Variants in DYDC2 observed in about 807,000 individuals in gnomAD.
DYDC2 encodes the protein DPY30 domain-containing protein 2.
DYDC2 carries 19 observed loss-of-function variants against 18.7 expected under a neutral mutation model. The ratio of observed to expected loss-of-function variants is 1.02; its 90% CI spans 0.71 to 1.49. The LOEUF is 1.49. DYDC2 is among the 40% of genes most tolerant of loss of function. The pLI is 0.00. For synonymous variants in DYDC2, 63 were observed against 67.6 expected (o/e 0.93, Z 0.34); for missense variants, 179 against 205.1 (o/e 0.87, Z 0.78).
At chr10:80,353,045 G>A (rs952062202), upstream of DYDC2, among the ~76,000 whole-genome samples, 1 of 151,782 alleles carries the variant, frequency 6.6e-6, no homozygotes, top group Admixed American at 6.6e-5. Context: ...GACAGGGTTT[G>A]TACCCACCTC....
At chr10:80,361,462 A>G (rs1248640279) in intron 2 of DYDC2, among the ~76,000 whole-genome samples, 5 of 152,210 alleles carry the variant, frequency 3.3e-5, no homozygotes, top group Non-Finnish European at 5.9e-5. Context: ...CTTTGAGACT[A>G]TGCATATATC....
At position 80,363,068 on chromosome 10, in the gene DYDC2, C is replaced by A; in HGVS notation, c.265C>A (p.His89Asn). ...GATTCAACAGAACTGTGAAAAGTGT[C>A]ACAAGGTAGGGAGAAGGACTCAGCT... ...YQIQQNCEKC[H>N]KELTSETVST... Residue 89 changes from histidine (H) to asparagine (N), a missense_variant, in exon 4 of 5, where the codon CAC becomes AAC. Transcript: ENST00000256039. The A allele has an allele frequency of 6.2e-7, 1 of 1,611,864 alleles. No homozygotes were observed. Among genetic ancestry groups the A allele is most frequent in the South Asian group, 1.1e-5 (1 of 90,388 alleles).
upstream of DYDC2, among the ~76,000 whole-genome samples, chr10:80,353,913 G>A (rs1362955268): frequency 6.6e-6 from 1 of 151,992 alleles, no homozygotes; most frequent in Non-Finnish European, 1.5e-5. Context: ...TGACTTCCTT[G>A]GAGCCCTTTT....
intron 2 of DYDC2, among the ~76,000 whole-genome samples, chr10:80,358,583 A>AC (rs1299436776): frequency 6.6e-6 from 1 of 152,300 alleles, no homozygotes; most frequent in African/African-American, 2.4e-5. Context: ...TGTGGCAGCC[A>AC]CCCCCTGACT....
At chr10:80,362,325 G>A in intron 2 of DYDC2, 110 bp from the exon 3 acceptor site, 1 of 1,422,156 alleles carries the variant, frequency 7.0e-7, no homozygotes, top group South Asian at 1.4e-5. Flanking sequence ...GTGTGATCCA[G>A]AAGCATCTCA....
chr10:80,358,410 CCTT>C (rs1843520968), intron 2 of DYDC2, among the ~76,000 whole-genome samples: 1 of 152,166 alleles, frequency 6.6e-6, no homozygotes, highest in African/African-American at 2.4e-5. Context: ...CCCCTTGACT[CCTT>C]CCCCTCCAGC....
intron 2 of DYDC2, among the ~76,000 whole-genome samples, chr10:80,361,628 G>C (rs1843665447): frequency 6.6e-6 from 1 of 152,102 alleles, no homozygotes; most frequent in Non-Finnish European, 1.5e-5. Flanking sequence ...CTTTAACAAA[G>C]AACTTTGCCT....
chr10:80,359,529 C>G (rs1043290986), intron 2 of DYDC2, among the ~76,000 whole-genome samples: 1 of 152,134 alleles, frequency 6.6e-6, no homozygotes, highest in African/African-American at 2.4e-5. Context: ...TCGATGGGAC[C>G]GGGCACCGCG....
At chr10:80,346,392 T>C (rs72815337) in intron 1 of DYDC2, among the ~76,000 whole-genome samples, 12,677 of 151,024 alleles carry the variant, frequency 0.084, 629 homozygotes, top group Middle Eastern at 0.12. Context: ...ATCAACAGTG[T>C]AGAAGAGTTC....
At chr10:80,360,258 G>A (rs1843624730) in intron 2 of DYDC2, among the ~76,000 whole-genome samples, 1 of 152,058 alleles carries the variant, frequency 6.6e-6, no homozygotes, top group Non-Finnish European at 1.5e-5. Flanking sequence ...GAATCTTATA[G>A]AGCTAAAACC....
At chr10:80,346,884 G>A (rs1169108055) in intron 1 of DYDC2, among the ~76,000 whole-genome samples, 3 of 151,324 alleles carry the variant, frequency 2.0e-5, no homozygotes, top group Non-Finnish European at 2.9e-5. Flanking sequence ...AGACCAGCCT[G>A]GCCAACATGG....
At chr10:80,346,022 AT>A (rs964264821) in intron 1 of DYDC2, among the ~76,000 whole-genome samples, 2 of 151,824 alleles carry the variant, frequency 1.3e-5, no homozygotes, top group Non-Finnish European at 2.9e-5. Context: ...TAATTTATAC[AT>A]TTTTTCTAGA....
chr10:80,345,384 C>A (rs1386591844), intron 1 of DYDC2, among the ~76,000 whole-genome samples: 1 of 152,116 alleles, frequency 6.6e-6, no homozygotes, highest in African/African-American at 2.4e-5. Flanking sequence ...CACAGGTAAG[C>A]AATTTCAATA....
chr10:80,361,377 T>C (rs1470100345), intron 2 of DYDC2, among the ~76,000 whole-genome samples: 1 of 152,218 alleles, frequency 6.6e-6, no homozygotes, highest in African/African-American at 2.4e-5. Flanking sequence ...TTGGTTAAGG[T>C]TTTGTTGGCC....
chr10:80,366,948 T>G lies in DYDC2; in HGVS notation c.531T>G (p.Phe177Leu). 1 of 1,611,658 alleles carries G rather than the reference T, an allele frequency of 6.2e-7. No individual in the cohort carries two copies. Among genetic ancestry groups the G allele is most frequent in the Non-Finnish European group, 8.5e-7 (1 of 1,179,020 alleles). The change falls in exon 5 of 5, where the codon TTT (phenylalanine) becomes TTG (leucine). Residue 177 changes from phenylalanine (F) to leucine (L), a missense_variant. Physicochemically the swap from Phe to Leu is conservative, Grantham distance 22 (BLOSUM62 0). Transcript: ENST00000256039. ...HEMPPGSKSP[F>L] ...TGCCTCCTGGCTCCAAATCTCCTTTTTAGGTTACAGAAGGTAGATGCTTCT... is the reference window on the plus strand; with the variant it reads ...TGCCTCCTGGCTCCAAATCTCCTTTGTAGGTTACAGAAGGTAGATGCTTCT...
chr10:80,357,280 G>A (rs1843443455), intron 1 of DYDC2, among the ~76,000 whole-genome samples: 1 of 151,884 alleles, frequency 6.6e-6, no homozygotes, highest in African/African-American at 2.4e-5. Flanking sequence ...GCGGGAGGCA[G>A]AGAGGAGCGG....
upstream of DYDC2, chr10:80,352,586 G>A (rs761103297): frequency 6.2e-7 from 1 of 1,606,366 alleles, no homozygotes. Flanking sequence ...TGCTTTTGAA[G>A]ATATATTGAC....
At chr10:80,363,511 A>AT (rs1554848200) in intron 4 of DYDC2, among the ~76,000 whole-genome samples, 21,322 of 140,014 alleles carry the variant, frequency 0.15, 2,708 homozygotes, top group African/African-American at 0.35. Context: ...CGCCCGGCTA[A>AT]TTTTTTTTTT....
At chr10:80,356,924 G>A in intron 1 of DYDC2, 99 bp downstream of exon 1, 1 of 912,966 alleles carries the variant, frequency 1.1e-6, no homozygotes, top group Non-Finnish European at 1.3e-6. Flanking sequence ...GAGGGGGCGC[G>A]GCAGAGTAGA....
Sources: gnomAD v4.1 joint callset for allele counts (sites outside exome capture counted in the v4.1 genomes callset) on GRCh38, gnomAD v4.1.1 for gene constraint, MANE v1.5 for transcripts, NCBI Gene and HGNC (gene_info 2026-07-23, HGNC 2026-07-21) for gene names.